The following CSMD1 variants were observed in gnomAD, a reference collection of about 807,000 sequenced individuals.
CSMD1 encodes CUB and sushi domain-containing protein 1.
In CSMD1, 213 loss-of-function variants were observed where a neutral mutation model predicts 417.5. That is an observed-to-expected ratio of 0.51 (90% CI 0.46 to 0.57). CSMD1 has a LOEUF of 0.57. Ranked by LOEUF, CSMD1 falls within the 20% of genes least tolerant of loss-of-function variation. The pLI is 0.00. For synonymous variants in CSMD1, 2,862 were observed against 1,736.8 expected, an observed-to-expected ratio of 1.65 and a Z score of -16.11; for missense variants, 6,923 against 4,529.7, an observed-to-expected ratio of 1.53 and a Z score of -15.17.
chr8:3,289,666 T>C lies in CSMD1; in HGVS notation c.3951-5320A>G, dbSNP rs1479183636. Reference sequence around the variant, plus strand: ...TTCATATCCTTTGCCCACTTTTTGATGGGGTTGTTTGTTTTTTTCTTGAAA... The same window carrying C: ...TTCATATCCTTTGCCCACTTTTTGACGGGGTTGTTTGTTTTTTTCTTGAAA... On this transcript the variant is annotated intron_variant, in intron 25 of 69. Transcript: ENST00000635120. Among the ~76,000 whole-genome samples the C allele has an allele frequency of 2.1e-5, 3 of 140,520 alleles. 1 individual carries two copies. Among genetic ancestry groups the C allele is most frequent in the African/African-American group, 9.4e-5 (3 of 31,978 alleles). 92.2% of individuals were successfully genotyped at this position (140,520 alleles called of 152,430 possible).
intron 1 of CSMD1, among the ~76,000 whole-genome samples, chr8:4,926,874 C>A (rs1806905145): frequency 6.6e-6 from 1 of 152,104 alleles, no homozygotes; most frequent in South Asian, 2.1e-4. Flanking sequence ...AAGCTCTTTC[C>A]AGATTTTTTA....
chr8:4,020,466 T>C (rs1284063148), intron 4 of CSMD1, among the ~76,000 whole-genome samples: 1 of 152,240 alleles, frequency 6.6e-6, no homozygotes, highest in East Asian at 1.9e-4. Flanking sequence ...GGCTTGGTTA[T>C]GTGACCGCTA....
rs534626609 is a variant in CSMD1, at chr8:4,728,975, T to G, written c.86-91417A>C. The stretch of plus-strand genomic sequence containing the variant: ...TGGAGATAGAGATGGACAGCTGCAT[T>G]TTAGAGGAGGGAGACTGTGGTGATA... On this transcript the variant is annotated intron_variant, in intron 1 of 69. Transcript: ENST00000635120. 3.9e-5 allele frequency among the ~76,000 whole-genome samples: 6 copies of G among 152,132 alleles called. No individual in the cohort carries two copies. The East Asian group carries it at 9.7e-4, about 25-fold the overall frequency.
At chr8:3,694,079 G>C (rs529757383) in intron 7 of CSMD1, among the ~76,000 whole-genome samples, 3 of 151,720 alleles carry the variant, frequency 2.0e-5, no homozygotes, top group South Asian at 2.1e-4. Context: ...GTGTGTGTTG[G>C]AGTGTTATGT....
chr8:3,099,519 G>C (rs181441541), intron 46 of CSMD1, among the ~76,000 whole-genome samples: 1 of 152,062 alleles, frequency 6.6e-6, no homozygotes, highest in South Asian at 2.1e-4. Context: ...TTCATTTTGT[G>C]GGATTACACT....
chr8:3,835,341 G>A (rs1326967276), intron 5 of CSMD1, among the ~76,000 whole-genome samples: 1 of 152,064 alleles, frequency 6.6e-6, no homozygotes, highest in African/African-American at 2.4e-5. Flanking sequence ...ACGACAGACT[G>A]GATTAAGAAA....
intron 3 of CSMD1, among the ~76,000 whole-genome samples, chr8:4,406,871 T>C (rs1214802646): frequency 6.6e-6 from 1 of 152,216 alleles, no homozygotes; most frequent in African/African-American, 2.4e-5. Flanking sequence ...ATACAGCTCG[T>C]ATTGAGGGCC....
chr8:4,389,094 T>G (rs1027808771), intron 3 of CSMD1, among the ~76,000 whole-genome samples: 11 of 152,218 alleles, frequency 7.2e-5, no homozygotes, highest in Admixed American at 3.9e-4. Context: ...TAGGAATGTT[T>G]CCAGTGAAAG....
chr8:4,142,243 C>A (rs1258306311), intron 3 of CSMD1, among the ~76,000 whole-genome samples: 1 of 151,090 alleles, frequency 6.6e-6, no homozygotes, highest in African/African-American at 2.5e-5. Context: ...ACTTAATTTA[C>A]TAATACAACA....
intron 2 of CSMD1, among the ~76,000 whole-genome samples, chr8:4,454,032 C>A (rs1441377858): frequency 6.6e-6 from 1 of 151,728 alleles, no homozygotes; most frequent in East Asian, 1.9e-4. Context: ...CCGTGTTAGC[C>A]GGGATGGTCT....
chr8:3,042,942 A>G (rs1243685610), intron 50 of CSMD1, among the ~76,000 whole-genome samples: 1 of 151,792 alleles, frequency 6.6e-6, no homozygotes, highest in Non-Finnish European at 1.5e-5. Flanking sequence ...TAGTATATAT[A>G]GTGATATACA....
intron 25 of CSMD1, among the ~76,000 whole-genome samples, chr8:3,296,891 T>A (rs1461399472): frequency 6.6e-6 from 1 of 151,898 alleles, no homozygotes; most frequent in Admixed American, 6.6e-5. Flanking sequence ...GATGGAGGGG[T>A]ATGTAGGTAG....
At chr8:3,090,072 T>A (rs1299518711) in intron 48 of CSMD1, among the ~76,000 whole-genome samples, 1 of 151,610 alleles carries the variant, frequency 6.6e-6, no homozygotes, top group Non-Finnish European at 1.5e-5. Flanking sequence ...CCCAGCACTT[T>A]GGGAGGCCGA....
intron 8 of CSMD1, among the ~76,000 whole-genome samples, chr8:3,600,387 T>C (rs1384661922): frequency 1.3e-5 from 2 of 149,960 alleles, no homozygotes; most frequent in Admixed American, 6.6e-5. Flanking sequence ...AACTAGCTAC[T>C]CTATTTCCCC....
intron 6 of CSMD1, among the ~76,000 whole-genome samples, chr8:3,718,723 G>A (rs923779941): frequency 6.6e-6 from 1 of 152,144 alleles, no homozygotes; most frequent in African/African-American, 2.4e-5. Context: ...AGCATAAGAT[G>A]CTTTACTGGA....
chr8:4,392,044 G>T (rs2128924144), intron 3 of CSMD1, among the ~76,000 whole-genome samples: 1 of 152,254 alleles, frequency 6.6e-6, no homozygotes. Context: ...GGGTTTTGGG[G>T]GCAATGCGAC....
intron 3 of CSMD1, among the ~76,000 whole-genome samples, chr8:4,123,532 T>C (rs1025716904): frequency 3.4e-4 from 51 of 152,232 alleles, no homozygotes; most frequent in African/African-American, 1.1e-3. Context: ...ATGATTAACA[T>C]TGAAAATGTG....
chr8:2,948,291 G>C (rs900383346), intron 68 of CSMD1, among the ~76,000 whole-genome samples: 16 of 152,076 alleles, frequency 1.1e-4, no homozygotes, highest in South Asian at 8.3e-4. Context: ...CTTCTATACT[G>C]AGATTTAAGA....
At chr8:3,685,036 C>T (rs1347041069) in intron 7 of CSMD1, among the ~76,000 whole-genome samples, 1 of 152,120 alleles carries the variant, frequency 6.6e-6, no homozygotes, top group Non-Finnish European at 1.5e-5. Context: ...GGATCAGCAT[C>T]ATCCAAGCCC....
Sources: gnomAD v4.1 joint callset for allele counts (sites outside exome capture counted in the v4.1 genomes callset) on GRCh38, gnomAD v4.1.1 for gene constraint, MANE v1.5 for transcripts, NCBI Gene and HGNC (gene_info 2026-07-23, HGNC 2026-07-21) for gene names.